HTR1F: variants seen among roughly 807,000 people sequenced by gnomAD.
The protein encoded by HTR1F is 5-hydroxytryptamine (serotonin) receptor 1F, G protein-coupled.
Under a neutral mutation model 24.0 loss-of-function variants are expected in HTR1F, and 17 were observed. The ratio of observed to expected loss-of-function variants is 0.71; its 90% CI spans 0.48 to 1.06. The LOEUF (loss-of-function observed/expected upper bound fraction) is 1.06. Ranked by LOEUF, HTR1F falls within the 50% of genes least tolerant of loss-of-function variation. The pLI is 0.00. For missense variants in HTR1F, 391 were observed against 427.8 expected, an observed-to-expected ratio of 0.91 and a Z score of 0.76; for synonymous variants, 186 against 156.8, an observed-to-expected ratio of 1.19 and a Z score of -1.39.
chr3:87,903,289 C>T (rs1404315246), intron 2 of HTR1F, among the ~76,000 whole-genome samples: 2 of 148,912 alleles, frequency 1.3e-5, no homozygotes, highest in East Asian at 2.0e-4. Context: ...TCTAATTAAA[C>T]TAAAGAGCTT....
At position 87,993,693 on chromosome 3, in the gene HTR1F, A is replaced by G. The variant is rs1407903952; in HGVS notation, c.*1843A>G. 1 of 167,108 alleles carries G rather than the reference A, an allele frequency of 6.0e-6. No individual in the cohort carries two copies. The highest frequency in any genetic ancestry group is 1.5e-5 in the Non-Finnish European group (1 of 68,126). 10.4% of individuals were successfully genotyped at this position (167,108 alleles called of 1,614,324 possible). On this transcript the variant is annotated 3_prime_UTR_variant, in exon 3 of 3. Coordinates refer to ENST00000319595, the MANE Select transcript of HTR1F (RefSeq NM_001322209.2). ...CTATTTAGAGCAATAGAGGAAAAGG[A>G]TATTAAAAGAAAAATTGGGCATTTT...
chr3:87,800,005 G>C (rs1213983124), intron 1 of HTR1F, among the ~76,000 whole-genome samples: 4 of 152,074 alleles, frequency 2.6e-5, no homozygotes, highest in African/African-American at 7.2e-5. Flanking sequence ...TCTTAGATGG[G>C]TCTCTCGAAT....
intron 2 of HTR1F, among the ~76,000 whole-genome samples, chr3:87,859,513 T>C (rs1187737642): frequency 1.3e-5 from 2 of 152,198 alleles, no homozygotes; most frequent in Non-Finnish European, 2.9e-5. Context: ...ATTAACAAAA[T>C]TGTAATCATT....
At chr3:87,934,597 A>G (rs1704366656) in intron 2 of HTR1F, among the ~76,000 whole-genome samples, 2 of 152,204 alleles carry the variant, frequency 1.3e-5, no homozygotes, top group Admixed American at 1.3e-4. Context: ...GGACTTTACA[A>G]GAAGTCACTC....
intron 2 of HTR1F, among the ~76,000 whole-genome samples, chr3:87,922,840 A>C (rs771863301): frequency 6.9e-6 from 1 of 145,130 alleles, no homozygotes; most frequent in African/African-American, 2.6e-5. Flanking sequence ...CTGTGGATTT[A>C]TTTCTGTGTT....
chr3:87,881,475 C>T (rs564096889), intron 2 of HTR1F, among the ~76,000 whole-genome samples: 2 of 152,270 alleles, frequency 1.3e-5, no homozygotes, highest in African/African-American at 4.8e-5. Context: ...GGCCTACTGC[C>T]TCTGTTGACT....
chr3:87,830,696 A>G (rs73845078), intron 2 of HTR1F, among the ~76,000 whole-genome samples: 32,281 of 152,076 alleles, frequency 0.21, 3,613 homozygotes, highest in East Asian at 0.37. Context: ...TTTTACACAC[A>G]GAAAAATATT....
chr3:87,807,348 A>G (rs1207575753), intron 1 of HTR1F, among the ~76,000 whole-genome samples: 1 of 151,882 alleles, frequency 6.6e-6, no homozygotes, highest in Non-Finnish European at 1.5e-5. Context: ...TTTCCTTGTT[A>G]CATTTATTCC....
rs201337624 is a variant in HTR1F, at chr3:87,808,565, A to AC, written c.-159-13443_-159-13442insC. Among the ~76,000 whole-genome samples the AC allele has an allele frequency of 3.9e-3, 585 of 151,608 alleles. 6 individuals carry two copies. The highest frequency in any genetic ancestry group is 0.014 in the African/African-American group (563 of 41,446). The stretch of plus-strand genomic sequence containing the variant: ...TTTTGATTATCTTTACAAAACACAA[A>AC]TTTTCATTTCATTTATCCTTTGCAT... On this transcript the variant is annotated intron_variant, in intron 1 of 2. Transcript: ENST00000319595.
chr3:87,979,857 G>C (rs1705503278), intron 2 of HTR1F, among the ~76,000 whole-genome samples: 1 of 152,226 alleles, frequency 6.6e-6, no homozygotes, highest in Non-Finnish European at 1.5e-5. Flanking sequence ...CCCTGCAGCT[G>C]AATCAGATGC....
At chr3:87,882,591 G>C (rs111738008) in intron 2 of HTR1F, among the ~76,000 whole-genome samples, 14 of 151,846 alleles carry the variant, frequency 9.2e-5, no homozygotes, top group African/African-American at 3.4e-4. Flanking sequence ...ATCATTCTCA[G>C]TAAACTATCA....
intron 2 of HTR1F, among the ~76,000 whole-genome samples, chr3:87,853,459 C>A (rs1027241555): frequency 6.6e-6 from 1 of 152,040 alleles, no homozygotes; most frequent in Non-Finnish European, 1.5e-5. Flanking sequence ...TTTTCTTTAT[C>A]CAGTCTATCA....
At chr3:87,896,149 G>A (rs895852111) in intron 2 of HTR1F, among the ~76,000 whole-genome samples, 12 of 152,150 alleles carry the variant, frequency 7.9e-5, no homozygotes, top group African/African-American at 2.9e-4. Flanking sequence ...TCCCAGTGCT[G>A]CTCAACAGGG....
chr3:87,835,579 A>T (rs1310639857), intron 2 of HTR1F, among the ~76,000 whole-genome samples: 1 of 152,248 alleles, frequency 6.6e-6, no homozygotes, highest in Non-Finnish European at 1.5e-5. Flanking sequence ...TAGACCATGC[A>T]TATAAAGCAG....
At chr3:87,823,104 A>C (rs905800555) in intron 2 of HTR1F, among the ~76,000 whole-genome samples, 2 of 152,212 alleles carry the variant, frequency 1.3e-5, no homozygotes, top group African/African-American at 4.8e-5. Flanking sequence ...TAATATTTTT[A>C]AGAGACAGCA....
At chr3:87,920,431 A>T (rs1163788796) in intron 2 of HTR1F, among the ~76,000 whole-genome samples, 1 of 152,000 alleles carries the variant, frequency 6.6e-6, no homozygotes, top group Non-Finnish European at 1.5e-5. Context: ...TCTGAAGATA[A>T]GCTACTGCAA....
At chr3:87,851,113 G>A (rs1260400683) in intron 2 of HTR1F, among the ~76,000 whole-genome samples, 4 of 151,576 alleles carry the variant, frequency 2.6e-5, no homozygotes, top group African/African-American at 7.3e-5. Flanking sequence ...TAACAAGCCT[G>A]GGTGCATCTT....
At chr3:87,798,533 A>AC (rs1317950072) in intron 1 of HTR1F, among the ~76,000 whole-genome samples, 1 of 130,712 alleles carries the variant, frequency 7.7e-6, no homozygotes, top group East Asian at 2.2e-4. Flanking sequence ...CATGACCCTG[A>AC]CCCCCCTCCA....
At position 87,924,155 on chromosome 3, in the gene HTR1F, A is replaced by G. The variant is rs113991356; in HGVS notation, c.-42-66553A>G. Among the ~76,000 whole-genome samples, 200 of 152,104 alleles carry G rather than the reference A, an allele frequency of 1.3e-3. 1 individual carries two copies. The highest frequency in any genetic ancestry group is 4.7e-3 in the African/African-American group (195 of 41,552). On this transcript the variant is annotated intron_variant, in intron 2 of 2. Transcript: ENST00000319595. ...TTCTTTTTTGGAAGACTTTTTATTA[A>G]TGATTCAATCTCATTACATGTTCTT...
Sources: gnomAD v4.1 joint callset for allele counts (sites outside exome capture counted in the v4.1 genomes callset) on GRCh38, gnomAD v4.1.1 for gene constraint, MANE v1.5 for transcripts, NCBI Gene and HGNC (gene_info 2026-07-23, HGNC 2026-07-21) for gene names.